NLRP9: variants seen among roughly 807,000 people sequenced by gnomAD.
The protein encoded by NLRP9 is NLR family pyrin domain containing 9, also known as NACHT, LRR and PYD domains-containing protein 9.
A neutral mutation model predicts 83.1 loss-of-function variants in NLRP9; 88 were observed. The ratio of observed to expected loss-of-function variants is 1.06; its 90% CI spans 0.89 to 1.26. The LOEUF (loss-of-function observed/expected upper bound fraction) is 1.26. Among genes scored for constraint, NLRP9 ranks in the 50% most tolerant of loss-of-function variants. The pLI is 0.00. For synonymous variants in NLRP9, 521 were observed against 447.6 expected (o/e 1.16, Z -2.07); for missense variants, 1,308 against 1,179.3 (o/e 1.11, Z -1.60).
intron 6 of NLRP9, among the ~76,000 whole-genome samples, chr19:55,713,275 C>G (rs1987839749): frequency 6.6e-6 from 1 of 151,662 alleles, no homozygotes; most frequent in Non-Finnish European, 1.5e-5. Flanking sequence ...CCTTACAGTA[C>G]TTATTACTCC....
Position 55,715,168 on chromosome 19 carries a change from C to T in NLRP9, c.2388G>A (p.Leu796=), listed in dbSNP as rs1331910288. Reference sequence around the variant, plus strand: ...CGAGGAGGGACAGGGACTTACTGCACAAGAGGACTTCGGAAATGGAGTCAC... The same window carrying T: ...CGAGGAGGGACAGGGACTTACTGCATAAGAGGACTTCGGAAATGGAGTCAC... ...VSCDSISEVL[L]CSKSLSLLDL... is the part of the protein sequence containing the mutation. The change falls in exon 6 of 9, where the codon TTG becomes TTA. Residue 796 remains leucine (L), a synonymous_variant. Coordinates refer to ENST00000332836, the MANE Select transcript of NLRP9 (RefSeq NM_176820.4). The T allele has an allele frequency of 2.5e-6, 4 of 1,613,384 alleles. No individual in the cohort carries two copies.
intron 3 of NLRP9, 79 bp from the exon 4 acceptor site, chr19:55,724,223 C>G (rs1338661282): frequency 8.1e-6 from 8 of 991,024 alleles, no homozygotes; most frequent in African/African-American, 1.7e-5. Context: ...ACGATTCTTC[C>G]TGCCCTGAAT....
At chr19:55,716,544 C>T (rs915846980) in intron 5 of NLRP9, among the ~76,000 whole-genome samples, 184 bp downstream of exon 5, 2 of 152,114 alleles carry the variant, frequency 1.3e-5, no homozygotes, top group African/African-American at 4.8e-5. Flanking sequence ...CAGGCATGAG[C>T]CACCACGCCC....
At chr19:55,713,561 G>A (rs1267751943) in intron 6 of NLRP9, among the ~76,000 whole-genome samples, 1 of 100,158 alleles carries the variant, frequency 1.0e-5, no homozygotes, top group Non-Finnish European at 2.0e-5. Context: ...GAGAGAAAGT[G>A]CCCCTGGCAC....
At chr19:55,717,033 CTT>C (rs397968319) in intron 4 of NLRP9, 135 bp from the exon 5 acceptor site, 8,088 of 360,048 alleles carry the variant, frequency 0.022, no homozygotes, top group South Asian at 0.031. Flanking sequence ...GACTCTTTTT[CTT>C]TTTTTTTTTT....
intron 1 of NLRP9, among the ~76,000 whole-genome samples, chr19:55,734,930 C>T (rs540460754): frequency 6.6e-6 from 1 of 152,192 alleles, no homozygotes; most frequent in Non-Finnish European, 1.5e-5. Context: ...CCACCATGCC[C>T]AGCCACAAAA....
intron 8 of NLRP9, chr19:55,711,188 T>G (rs776079276): frequency 5.9e-6 from 1 of 170,086 alleles, no homozygotes; most frequent in Non-Finnish European, 1.2e-5. Context: ...CATCACCAAC[T>G]TGAACAATTA....
intron 3 of NLRP9, among the ~76,000 whole-genome samples, chr19:55,725,677 C>T (rs1021171507): frequency 2.6e-5 from 4 of 152,146 alleles, no homozygotes; most frequent in Admixed American, 6.6e-5. Flanking sequence ...GGGATCTGTG[C>T]GGCGAGGGTG....
Position 55,712,605 on chromosome 19 carries a change from G to A in NLRP9, c.2502-15C>T, listed in dbSNP as rs957670014. Reference sequence around the variant, plus strand: ...AGCCCATCAACCTGGGGAGGTGGAAGACACACAAATACGTACACTTATGAG... The same window carrying A: ...AGCCCATCAACCTGGGGAGGTGGAAAACACACAAATACGTACACTTATGAG... On this transcript the variant is annotated splice_polypyrimidine_tract_variant and intron_variant, in intron 6 of 8. Coordinates refer to ENST00000332836, the MANE Select transcript of NLRP9 (RefSeq NM_176820.4). 6 of 1,610,104 alleles carry A rather than the reference G, an allele frequency of 3.7e-6. No homozygotes were observed. Among genetic ancestry groups the A allele is most frequent in the East Asian group, 2.2e-5 (1 of 44,690 alleles).
intron 4 of NLRP9, among the ~76,000 whole-genome samples, chr19:55,718,695 A>T (rs1252674789): frequency 6.6e-6 from 1 of 152,194 alleles, no homozygotes; most frequent in Admixed American, 6.5e-5. Context: ...AAGATAGTAA[A>T]AATAGTGATC....
intron 3 of NLRP9, among the ~76,000 whole-genome samples, chr19:55,728,402 C>G (rs1006235499): frequency 6.6e-6 from 1 of 152,080 alleles, no homozygotes; most frequent in Non-Finnish European, 1.5e-5. Context: ...TGATGAAACC[C>G]CGTCTCTACT....
intron 3 of NLRP9, among the ~76,000 whole-genome samples, chr19:55,729,482 G>C (rs780770420): frequency 6.6e-6 from 1 of 152,022 alleles, no homozygotes; most frequent in Admixed American, 6.6e-5. Flanking sequence ...GAGAACATGC[G>C]TTGTTTGGTT....
intron 7 of NLRP9, 67 bp downstream of exon 7, chr19:55,712,353 A>G (rs1987767415): frequency 7.4e-7 from 1 of 1,354,138 alleles, no homozygotes; most frequent in Non-Finnish European, 1.0e-6. Context: ...CATTCTATTG[A>G]CCCTCCAGCA....
At position 55,732,954 on chromosome 19, in the gene NLRP9, T is replaced by A; in HGVS notation, c.877A>T (p.Ile293Leu). The change falls in exon 2 of 9, where the codon ATA becomes TTA. Residue 293 changes from isoleucine to leucine, a missense_variant. Physicochemically the swap from Ile to Leu is conservative, Grantham distance 5. Transcript: ENST00000332836. ...GATTCACTGAATCCTAAGAGCTTTATGAGTTTTGGATGCCGCAACATAAAA... is the reference window on the plus strand; with the variant it reads ...GATTCACTGAATCCTAAGAGCTTTAAGAGTTTTGGATGCCGCAACATAAAA... The part of the protein sequence containing the change: ...HYFMLRHPKL[I>L]KLLGFSESEK... 2 of 1,614,040 alleles carry A rather than the reference T, an allele frequency of 1.2e-6. No individual in the cohort carries two copies. Among genetic ancestry groups the A allele is most frequent in the Non-Finnish European group, 1.7e-6 (2 of 1,179,850 alleles).
At chr19:55,714,535 C>T (rs572976015) in intron 6 of NLRP9, among the ~76,000 whole-genome samples, 1 of 152,228 alleles carries the variant, frequency 6.6e-6, no homozygotes, top group East Asian at 1.9e-4. Flanking sequence ...ACAACTCCTT[C>T]CCACTGAAGG....
At chr19:55,724,371 T>C (rs956049710) in intron 3 of NLRP9, among the ~76,000 whole-genome samples, 7 of 152,114 alleles carry the variant, frequency 4.6e-5, no homozygotes, top group Non-Finnish European at 1.5e-5. Flanking sequence ...GCCCCTCCAC[T>C]TCTACATAAC....
chr19:55,711,910 G>A lies in NLRP9; in HGVS notation c.2733C>T (p.Ala911=), dbSNP rs773941351. The A allele has an allele frequency of 1.2e-6, 2 of 1,613,322 alleles. No individual in the cohort carries two copies. Among genetic ancestry groups the A allele is most frequent in the East Asian group, 4.5e-5 (2 of 44,880 alleles). Residue 911 remains alanine, a synonymous_variant, in exon 8 of 9, where the codon GCC becomes GCT. Transcript: ENST00000332836. ...CCDDIAAALI[A]CKTLRSLNLD... is the part of the protein sequence containing the mutation. ...GGTTCAGGCTCCTCAGTGTTTTGCA[G>A]GCGATGAGTGCTGCGGCGATGTCGT... is the stretch of plus-strand genomic sequence containing the variant.
chr19:55,711,853 C>G lies in NLRP9; in HGVS notation c.2790G>C (p.Val930=). The stretch of plus-strand genomic sequence containing the variant: ...GGCTCAATGCCTCACACAGCACCAC[C>G]ACTGCATCAGCATCCAAGGCAATCC... ...LDWIALDADA[V]VVLCEALSHP... is the part of the protein sequence containing the mutation. Residue 930 remains valine, a synonymous_variant, in exon 8 of 9, where the codon GTG becomes GTC. Coordinates refer to ENST00000332836, the MANE Select transcript of NLRP9 (RefSeq NM_176820.4). 1 of 1,613,396 alleles carries G rather than the reference C, an allele frequency of 6.2e-7. No individual in the cohort carries two copies.
intron 2 of NLRP9, among the ~76,000 whole-genome samples, chr19:55,730,216 G>A (rs907257094): frequency 6.6e-6 from 1 of 152,196 alleles, no homozygotes; most frequent in Non-Finnish European, 1.5e-5. Flanking sequence ...CACTTTGAGA[G>A]GCCAAGGCAA....
Sources: gnomAD v4.1 joint callset for allele counts (sites outside exome capture counted in the v4.1 genomes callset) on GRCh38, gnomAD v4.1.1 for gene constraint, MANE v1.5 for transcripts, NCBI Gene and HGNC (gene_info 2026-07-23, HGNC 2026-07-21) for gene names.